Variants in KLF12 observed in about 807,000 individuals in gnomAD.
The protein encoded by KLF12 is KLF transcription factor 12.
Under a neutral mutation model 37.8 loss-of-function variants are expected in KLF12, and 9 were observed. The ratio of observed to expected loss-of-function variants is 0.24; its 90% CI spans 0.14 to 0.42. The LOEUF (loss-of-function observed/expected upper bound fraction) is 0.42, where lower values mean the gene tolerates loss of function less well. KLF12 is among the 10% of genes least tolerant of loss of function. The probability of loss-of-function intolerance (pLI) is 1.00; values close to 1 mark genes in which losing one functional copy is unlikely to be tolerated. For synonymous variants in KLF12, 208 were observed against 202.1 expected, an observed-to-expected ratio of 1.03 and a Z score of -0.25; for missense variants, 411 against 516.0, an observed-to-expected ratio of 0.80 and a Z score of 1.97.
At chr13:73,929,232 C>A (rs975793797) in intron 3 of KLF12, among the ~76,000 whole-genome samples, 1 of 152,148 alleles carries the variant, frequency 6.6e-6, no homozygotes, top group Non-Finnish European at 1.5e-5. Flanking sequence ...TGCAAGACAA[C>A]TATGACTGAA....
At chr13:74,047,791 T>C (rs1893585700) in intron 1 of KLF12, among the ~76,000 whole-genome samples, 1 of 152,218 alleles carries the variant, frequency 6.6e-6, no homozygotes, top group Non-Finnish European at 1.5e-5. Flanking sequence ...GCTTCACCTC[T>C]TACGTGTCCC....
intron 2 of KLF12, chr13:73,961,880 C>G: frequency 2.5e-6 from 1 of 400,086 alleles, no homozygotes; most frequent in Admixed American, 2.9e-5. Context: ...AACAGGAACT[C>G]TCATTTCTGG....
At chr13:74,004,610 A>T (rs549482762) in intron 1 of KLF12, among the ~76,000 whole-genome samples, 3 of 152,250 alleles carry the variant, frequency 2.0e-5, no homozygotes, top group Admixed American at 6.5e-5. Flanking sequence ...GCAACAAGAG[A>T]GTTTTGGTGT....
chr13:74,145,535 C>CT, the KLF12 span, among the ~76,000 whole-genome samples: 2 of 152,154 alleles, frequency 1.3e-5, no homozygotes, highest in African/African-American at 4.8e-5. Flanking sequence ...ATGCGTAACT[C>CT]TATCTCTTTT....
chr13:73,907,369 C>G (rs751294008), intron 3 of KLF12, among the ~76,000 whole-genome samples: 2 of 152,100 alleles, frequency 1.3e-5, no homozygotes, highest in Non-Finnish European at 2.9e-5. Context: ...TCCATTCATA[C>G]AGCATTCTCC....
At chr13:73,889,072 T>C (rs1415776157) in intron 3 of KLF12, among the ~76,000 whole-genome samples, 1 of 152,232 alleles carries the variant, frequency 6.6e-6, no homozygotes, top group African/African-American at 2.4e-5. Flanking sequence ...TCTCTTGACA[T>C]CTTTAGTCTT....
Position 73,813,196 on chromosome 13 carries a change from A to C in KLF12, c.762T>G (p.Asn254Lys). The change falls in exon 5 of 8, where the codon AAT becomes AAG. Residue 254 changes from asparagine to lysine, a missense_variant. Asn to Lys is a moderately conservative substitution (Grantham distance 94). This residue lies in a region of KLF12 where 351 missense variants were observed against 397.8 expected (regional missense o/e 0.88). Coordinates refer to ENST00000377669, the MANE Select transcript of KLF12 (RefSeq NM_007249.5). ...TGGAAAGGGCCGTAGATCCAGTTTC[A>C]TTAACGCTATCTAAGGTCACATTTG... 6.2e-7 allele frequency: 1 copy of C among 1,614,058 alleles called. No homozygotes were observed. The highest frequency in any genetic ancestry group is 8.5e-7 in the Non-Finnish European group (1 of 1,179,946).
chr13:74,284,834 T>C, the KLF12 span, among the ~76,000 whole-genome samples: 1 of 152,242 alleles, frequency 6.6e-6, no homozygotes, highest in Non-Finnish European at 1.5e-5. Context: ...GTAGTATATT[T>C]ACACTACGGT....
At chr13:74,101,080 T>C (rs934082077) in intron 1 of KLF12, among the ~76,000 whole-genome samples, 25 of 152,186 alleles carry the variant, frequency 1.6e-4, no homozygotes, top group African/African-American at 4.6e-4. Context: ...TTCATCTGCA[T>C]ATAAGACAAC....
intron 2 of KLF12, among the ~76,000 whole-genome samples, chr13:73,950,749 C>A (rs962297085): frequency 1.3e-5 from 2 of 152,160 alleles, no homozygotes; most frequent in Non-Finnish European, 2.9e-5. Flanking sequence ...AGAGATCTGA[C>A]ATGTGGAGGC....
At chr13:74,237,271 T>G in the KLF12 span, among the ~76,000 whole-genome samples, 1 of 138,736 alleles carries the variant, frequency 7.2e-6, no homozygotes, top group Non-Finnish European at 1.5e-5. Flanking sequence ...GCGTTATTTC[T>G]GAGGGCTCTG....
the KLF12 span, among the ~76,000 whole-genome samples, chr13:74,186,479 G>T: frequency 6.6e-6 from 1 of 152,018 alleles, no homozygotes; most frequent in Non-Finnish European, 1.5e-5. Context: ...GACAGGTTGG[G>T]TACAAATGGC....
At chr13:74,158,526 A>G in the KLF12 span, among the ~76,000 whole-genome samples, 2 of 152,142 alleles carry the variant, frequency 1.3e-5, no homozygotes, top group Admixed American at 1.3e-4. Flanking sequence ...TGGATTAGGA[A>G]GCAGTTGGCC....
intron 5 of KLF12, among the ~76,000 whole-genome samples, chr13:73,778,845 A>G (rs1042047564): frequency 9.2e-5 from 14 of 152,138 alleles, no homozygotes; most frequent in Non-Finnish European, 1.6e-4. Flanking sequence ...CTTAAACAAC[A>G]CCTTACTTTG....
chr13:73,718,300 G>A (rs1025032766), intron 6 of KLF12, among the ~76,000 whole-genome samples: 1 of 152,072 alleles, frequency 6.6e-6, no homozygotes, highest in African/African-American at 2.4e-5. Flanking sequence ...TGAAGTAATC[G>A]GGCAACACAG....
rs77858334 is a variant in KLF12 at position 73,694,488 on chromosome 13, T to C, written c.*1002A>G. The C allele has an allele frequency of 0.018, 2,722 of 152,742 alleles. 40 individuals are homozygous for C. The highest frequency in any genetic ancestry group is 0.025 in the East Asian group (132 of 5,182). The allele number at this position is 152,742 out of a possible 1,614,324, so 9.5% of individuals were successfully genotyped here. A position where few individuals can be genotyped will look rare whatever the true frequency, so the allele number is the denominator to read the frequency against. The stretch of plus-strand genomic sequence containing the variant: ...GAAAGTCCTTTTATTCATTATTGCT[T>C]TTCTCCTCAAGAGGCGCATTATTTC... On this transcript the variant is annotated 3_prime_UTR_variant, in exon 8 of 8. Transcript: ENST00000377669.
the KLF12 span, among the ~76,000 whole-genome samples, chr13:74,235,231 A>C: frequency 6.6e-6 from 1 of 152,224 alleles, no homozygotes; most frequent in Non-Finnish European, 1.5e-5. Flanking sequence ...TTACCAAGGC[A>C]TTAAATTCAC....
At chr13:74,140,039 C>G in the KLF12 span, among the ~76,000 whole-genome samples, 2 of 151,960 alleles carry the variant, frequency 1.3e-5, no homozygotes, top group South Asian at 4.2e-4. Flanking sequence ...CTATATAGCA[C>G]GTAACATTAG....
chr13:73,756,001 G>A (rs1879141658), intron 6 of KLF12, among the ~76,000 whole-genome samples: 1 of 152,056 alleles, frequency 6.6e-6, no homozygotes, highest in African/African-American at 2.4e-5. Flanking sequence ...TCCGCTTGTT[G>A]ACTGATGGGC....
Sources: gnomAD v4.1 joint callset for allele counts (sites outside exome capture counted in the v4.1 genomes callset) on GRCh38, gnomAD v4.1.1 for gene constraint, gnomAD v4.1.1 regional missense constraint, MANE v1.5 for transcripts, NCBI Gene and HGNC (gene_info 2026-07-23, HGNC 2026-07-21) for gene names.